GRIN2A: variants seen among roughly 807,000 people sequenced by gnomAD.
The protein encoded by GRIN2A is glutamate receptor ionotropic, NMDA 2A.
A neutral mutation model predicts 113.4 loss-of-function variants in GRIN2A; 22 were observed. The ratio of observed to expected loss-of-function variants is 0.19; its 90% CI spans 0.14 to 0.28. GRIN2A has a LOEUF of 0.28. Ranked by LOEUF, GRIN2A falls within the 10% of genes least tolerant of loss-of-function variation. The pLI, the probability that GRIN2A is intolerant of heterozygous loss-of-function variation, is 1.00. For missense variants in GRIN2A, 1,502 were observed against 1,887.0 expected (o/e 0.80, Z 3.78); for synonymous variants, 827 against 738.4 (o/e 1.12, Z -1.94).
chr16:10,159,897 G>C (rs143418054), intron 2 of GRIN2A, among the ~76,000 whole-genome samples: 1 of 152,296 alleles, frequency 6.6e-6, no homozygotes, highest in African/African-American at 2.4e-5. Context: ...AGCTGTAAGA[G>C]CATTTAGCCC....
At chr16:10,010,309 G>C (rs2046482086) in intron 2 of GRIN2A, among the ~76,000 whole-genome samples, 1 of 152,132 alleles carries the variant, frequency 6.6e-6, no homozygotes, top group Non-Finnish European at 1.5e-5. Context: ...ATTTTTCTTA[G>C]TCCTCCAGAG....
chr16:10,132,663 C>A (rs144562804), intron 2 of GRIN2A, among the ~76,000 whole-genome samples: 3 of 152,194 alleles, frequency 2.0e-5, no homozygotes, highest in Non-Finnish European at 4.4e-5. Context: ...GCTATCTGAA[C>A]TTTCATTGCC....
Position 9,865,682 on chromosome 16 carries a change from C to T in GRIN2A, c.1123-15721G>A, listed in dbSNP as rs569169266. Among the ~76,000 whole-genome samples, 8 of 152,248 alleles carry T rather than the reference C, an allele frequency of 5.3e-5. No homozygotes were observed. In the South Asian group the frequency reaches 6.2e-4, roughly 12 times the overall value. On this transcript the variant is annotated intron_variant, in intron 4 of 12. Transcript: ENST00000330684. Reference sequence around the variant, plus strand: ...TTAGATCACATGCATTCATCTTGCTCATTCATTCATGGAGTGCCTACTATG... The same window carrying T: ...TTAGATCACATGCATTCATCTTGCTTATTCATTCATGGAGTGCCTACTATG...
At chr16:10,153,528 A>AT (rs2049627987) in intron 2 of GRIN2A, among the ~76,000 whole-genome samples, 1 of 152,108 alleles carries the variant, frequency 6.6e-6, no homozygotes, top group African/African-American at 2.4e-5. Flanking sequence ...TTTTATAAAC[A>AT]TTTTTCTAAA....
At chr16:9,877,275 C>T (rs1303062498) in intron 4 of GRIN2A, among the ~76,000 whole-genome samples, 1 of 152,182 alleles carries the variant, frequency 6.6e-6, no homozygotes, top group East Asian at 1.9e-4. Flanking sequence ...AGGTGCTCAA[C>T]AAATGCTTAC....
intron 2 of GRIN2A, among the ~76,000 whole-genome samples, chr16:10,132,164 T>A (rs2049077764): frequency 6.6e-6 from 1 of 151,794 alleles, no homozygotes; most frequent in Admixed American, 6.6e-5. Context: ...AAATCCCATC[T>A]CTTCTAAAAA....
chr16:10,168,101 C>A (rs2142347848), intron 2 of GRIN2A, among the ~76,000 whole-genome samples: 1 of 152,296 alleles, frequency 6.6e-6, no homozygotes, highest in African/African-American at 2.4e-5. Context: ...ATTTCGAGAT[C>A]ATTGGCAATT....
chr16:10,061,931 T>C (rs986582318), intron 2 of GRIN2A, among the ~76,000 whole-genome samples: 1 of 152,148 alleles, frequency 6.6e-6, no homozygotes, highest in African/African-American at 2.4e-5. Flanking sequence ...CTTTGTACAA[T>C]GGCAACAAAC....
At chr16:10,021,105 C>T (rs781113899) in intron 2 of GRIN2A, among the ~76,000 whole-genome samples, 1 of 152,164 alleles carries the variant, frequency 6.6e-6, no homozygotes, top group African/African-American at 2.4e-5. Flanking sequence ...GGCAGAATCC[C>T]CAGAAGCAAG....
chr16:10,072,555 T>C (rs1206534845), intron 2 of GRIN2A, among the ~76,000 whole-genome samples: 3 of 152,164 alleles, frequency 2.0e-5, no homozygotes, highest in African/African-American at 7.2e-5. Context: ...TCCTAGGTGA[T>C]TATAGTATGC....
Position 9,762,970 on chromosome 16 carries a change from C to T in GRIN2A, c.*179G>A. 3.0e-6 allele frequency: 2 copies of T among 658,212 alleles called. No homozygotes were observed. The highest frequency in any genetic ancestry group is 5.3e-6 in the Non-Finnish European group (2 of 380,526). The allele number at this position is 658,212 out of a possible 1,614,324, so 40.8% of individuals were successfully genotyped here. A position where few individuals can be genotyped will look rare whatever the true frequency, so the allele number is the denominator to read the frequency against. On this transcript the variant is annotated 3_prime_UTR_variant, in exon 13 of 13. Transcript: ENST00000330684. Reference sequence around the variant, plus strand: ...TGCTCAGCACACACCTCACAAGATTCCTTGAGTGGAAGATTATGGCATGAA... The same window carrying T: ...TGCTCAGCACACACCTCACAAGATTTCTTGAGTGGAAGATTATGGCATGAA...
intron 11 of GRIN2A, among the ~76,000 whole-genome samples, chr16:9,782,010 T>C (rs1452697389): frequency 1.3e-5 from 2 of 152,158 alleles, no homozygotes; most frequent in African/African-American, 2.4e-5. Flanking sequence ...CCAATAATTA[T>C]AATTAAAGAA....
At chr16:10,039,802 G>GGAGGA (rs2047112903) in intron 2 of GRIN2A, among the ~76,000 whole-genome samples, 1 of 56,142 alleles carries the variant, frequency 1.8e-5, no homozygotes, top group Non-Finnish European at 3.2e-5. Flanking sequence ...GGGAGGGGGA[G>GGAGGA]GGGGGGGAGA....
chr16:10,139,636 C>T (rs1471065934), intron 2 of GRIN2A, among the ~76,000 whole-genome samples: 1 of 152,018 alleles, frequency 6.6e-6, no homozygotes, highest in Non-Finnish European at 1.5e-5. Flanking sequence ...CCTGGGGATA[C>T]CTTGTTAAAA....
intron 3 of GRIN2A, among the ~76,000 whole-genome samples, chr16:9,895,708 C>T (rs1025767810): frequency 6.6e-6 from 1 of 152,300 alleles, no homozygotes; most frequent in South Asian, 2.1e-4. Flanking sequence ...TTTACCTCAG[C>T]TAGCGAAAAT....
intron 11 of GRIN2A, among the ~76,000 whole-genome samples, chr16:9,779,713 AC>A (rs1423575889): frequency 6.6e-6 from 1 of 151,812 alleles, no homozygotes; most frequent in Non-Finnish European, 1.5e-5. Flanking sequence ...CTGGGTTATG[AC>A]TTAGGAGAGC....
intron 2 of GRIN2A, among the ~76,000 whole-genome samples, chr16:9,961,448 T>C (rs1462026857): frequency 6.6e-6 from 1 of 152,178 alleles, no homozygotes; most frequent in Non-Finnish European, 1.5e-5. Context: ...AACAAAGGCA[T>C]GCTATACAAG....
intron 2 of GRIN2A, among the ~76,000 whole-genome samples, chr16:10,083,234 T>A (rs2048018140): frequency 6.6e-6 from 1 of 152,352 alleles, no homozygotes; most frequent in Non-Finnish European, 1.5e-5. Flanking sequence ...TGTGCAAATC[T>A]GTGACAGGTG....
intron 2 of GRIN2A, among the ~76,000 whole-genome samples, chr16:10,113,909 G>T (rs1378062256): frequency 6.6e-6 from 1 of 151,946 alleles, no homozygotes; most frequent in Non-Finnish European, 1.5e-5. Flanking sequence ...GGCATCTTAA[G>T]ATTTTTAACC....
Sources: allele counts gnomAD v4.1 joint callset (sites outside exome capture counted in the v4.1 genomes callset), GRCh38; gene constraint gnomAD v4.1.1; transcripts MANE v1.5; gene names NCBI Gene and HGNC (gene_info 2026-07-23, HGNC 2026-07-21).